Variants in USH2A observed in about 807,000 individuals in gnomAD.
USH2A encodes the protein usherin.
In USH2A, 443 loss-of-function variants were observed where a neutral mutation model predicts 538.9. The ratio of observed to expected loss-of-function variants is 0.82; its 90% CI spans 0.76 to 0.89. USH2A has a LOEUF of 0.89. Among genes scored for constraint, USH2A ranks in the 40% least tolerant of loss-of-function variants. USH2A has a pLI of 0.00. For missense variants in USH2A, 6,633 were observed against 6,324.8 expected, an observed-to-expected ratio of 1.05 and a Z score of -1.65; for synonymous variants, 2,413 against 2,273.5, an observed-to-expected ratio of 1.06 and a Z score of -1.75.
chr1:216,395,688 C>A (rs2039199292), intron 3 of USH2A, among the ~76,000 whole-genome samples: 1 of 152,152 alleles, frequency 6.6e-6, no homozygotes, highest in South Asian at 2.1e-4. Context: ...GGACACTTGG[C>A]AATGTCTGCA....
intron 27 of USH2A, among the ~76,000 whole-genome samples, chr1:216,075,600 C>A (rs1571938852): frequency 6.6e-6 from 1 of 152,062 alleles, no homozygotes; most frequent in African/African-American, 2.4e-5. Context: ...GCTTGGCAGG[C>A]CTGCTAAATT....
rs974598884 is a variant in USH2A, at chr1:216,148,508, A to G, written c.4627+26744T>C. Among the ~76,000 whole-genome samples the G allele has an allele frequency of 3.3e-5, 5 of 152,112 alleles. 1 individual carries two copies. Among genetic ancestry groups the G allele is most frequent in the African/African-American group, 1.2e-4 (5 of 41,506 alleles). On this transcript the variant is annotated intron_variant, in intron 21 of 71. Coordinates refer to ENST00000307340, the MANE Select transcript of USH2A (RefSeq NM_206933.4). ...ACCCCTTACCATCTCATTAAAACCT[A>G]ATCACCCTTACCCCACTCAATGCCA...
At position 215,782,092 on chromosome 1, in the gene USH2A, A is replaced by G; in HGVS notation, c.10690T>C (p.Ser3564Pro). 1 of 1,614,034 alleles carries G rather than the reference A, an allele frequency of 6.2e-7. No homozygotes were observed. Among genetic ancestry groups the G allele is most frequent in the Non-Finnish European group, 8.5e-7 (1 of 1,179,910 alleles). ...KEGIQPFQEY[S>P]YQLKACTVAG... ...ACCGTGCAAGCTTTCAGCTGATATG[A>G]ATATTCCTGAAATGGTTGAATTCCC... The change falls in exon 54 of 72, where the codon TCA becomes CCA. Residue 3564 changes from serine to proline, a missense_variant. Ser to Pro is a moderately conservative substitution (Grantham distance 74). Coordinates refer to ENST00000307340, the MANE Select transcript of USH2A (RefSeq NM_206933.4).
At chr1:215,628,003 A>G (rs903968753) in intron 71 of USH2A, among the ~76,000 whole-genome samples, 2 of 152,198 alleles carry the variant, frequency 1.3e-5, no homozygotes, top group Non-Finnish European at 2.9e-5. Flanking sequence ...CAAAGAGCCA[A>G]TGATTTGTAC....
At chr1:215,787,168 G>T (rs1285786819) in intron 51 of USH2A, among the ~76,000 whole-genome samples, 1 of 152,102 alleles carries the variant, frequency 6.6e-6, no homozygotes, top group East Asian at 1.9e-4. Flanking sequence ...GGAACATGGA[G>T]ACAAAATTTA....
intron 61 of USH2A, among the ~76,000 whole-genome samples, chr1:215,716,210 C>G (rs1042320139): frequency 6.6e-6 from 1 of 152,078 alleles, no homozygotes; most frequent in Admixed American, 6.6e-5. Flanking sequence ...GGCGGGGGGG[C>G]CCGCCAAGTA....
At chr1:216,255,884 C>T (rs1388515794) in intron 11 of USH2A, among the ~76,000 whole-genome samples, 3 of 152,080 alleles carry the variant, frequency 2.0e-5, no homozygotes, top group Non-Finnish European at 4.4e-5. Flanking sequence ...TTAGTTTTTG[C>T]TCTGTGCATT....
chr1:215,667,468 G>A (rs539460367), intron 64 of USH2A, among the ~76,000 whole-genome samples: 9 of 152,222 alleles, frequency 5.9e-5, no homozygotes, highest in African/African-American at 2.2e-4. Context: ...GGAGGCCGAG[G>A]TGGGTGGATC....
chr1:215,742,929 C>T (rs1214028938), intron 59 of USH2A, among the ~76,000 whole-genome samples: 1 of 151,942 alleles, frequency 6.6e-6, no homozygotes, highest in African/African-American at 2.4e-5. Flanking sequence ...TTTCAAAGGG[C>T]CTTATAAAAC....
At chr1:216,048,414 C>T in intron 31 of USH2A, 120 bp downstream of exon 31, 2 of 997,074 alleles carry the variant, frequency 2.0e-6, no homozygotes, top group South Asian at 1.3e-5. Flanking sequence ...CCTGGCAATG[C>T]ACTTTGTCAT....
At chr1:215,884,303 A>T (rs1359867306) in intron 41 of USH2A, among the ~76,000 whole-genome samples, 7 of 152,214 alleles carry the variant, frequency 4.6e-5, no homozygotes, top group Admixed American at 4.6e-4. Context: ...TTCTGATTTG[A>T]ATGATGTTCA....
intron 38 of USH2A, among the ~76,000 whole-genome samples, chr1:215,914,026 C>T (rs1665882553): frequency 2.0e-5 from 3 of 150,814 alleles, no homozygotes; most frequent in Non-Finnish European, 2.9e-5. Flanking sequence ...GTGAACTGTA[C>T]CACAAAACCT....
chr1:215,989,202 C>A (rs139723906), intron 35 of USH2A, among the ~76,000 whole-genome samples: 3 of 152,140 alleles, frequency 2.0e-5, no homozygotes, highest in African/African-American at 7.2e-5. Context: ...CCCTAGTGAA[C>A]AAACATACCT....
chr1:215,696,815 G>A (rs772629520), intron 61 of USH2A, among the ~76,000 whole-genome samples: 1 of 152,180 alleles, frequency 6.6e-6, no homozygotes, highest in Non-Finnish European at 1.5e-5. Flanking sequence ...AGTGAGCTAT[G>A]ATGGAGCCAC....
chr1:215,901,309 T>C, intron 38 of USH2A: 1 of 303,368 alleles, frequency 3.3e-6, no homozygotes, highest in South Asian at 3.1e-5. Context: ...CCCCCCGATA[T>C]CATCCATTGC....
Position 216,215,079 on chromosome 1 carries a change from C to G in USH2A, c.3157+2308G>C, listed in dbSNP as rs545749302. On this transcript the variant is annotated intron_variant, in intron 15 of 71. Transcript: ENST00000307340. ...AGGGAAATTTACTATAAGAAAAGGTCTAACTACTTTATTTTCATTCAATCC... is the reference window on the plus strand; with the variant it reads ...AGGGAAATTTACTATAAGAAAAGGTGTAACTACTTTATTTTCATTCAATCC... Among the ~76,000 whole-genome samples the G allele has an allele frequency of 1.1e-4, 16 of 152,158 alleles. No individual in the cohort carries two copies. The East Asian group carries it at 3.1e-3, about 29-fold the overall frequency.
At chr1:215,659,096 A>C (rs1657358598) in intron 64 of USH2A, among the ~76,000 whole-genome samples, 1 of 152,212 alleles carries the variant, frequency 6.6e-6, no homozygotes, top group Non-Finnish European at 1.5e-5. Context: ...GCAATCAATA[A>C]AAACACAAAT....
chr1:215,888,710 G>A lies in USH2A; in HGVS notation c.7939C>T (p.Pro2647Ser), dbSNP rs1414367127. 1.2e-6 allele frequency: 2 copies of A among 1,614,130 alleles called. No individual in the cohort carries two copies. Among genetic ancestry groups the A allele is most frequent in the Middle Eastern group, 1.6e-4 (1 of 6,062 alleles). Reference protein sequence around the residue: ...PTSVIISWQPPTHPNGLVENF... With the variant: ...PTSVIISWQPSTHPNGLVENF... ...TCCACCAAGCCATTGGGGTGGGTAG[G>A]GGGTTGCCAAGATATAATCACAGAT... is the stretch of plus-strand genomic sequence containing the variant. Residue 2647 changes from proline to serine, a missense_variant, in exon 41 of 72, where the codon CCT becomes TCT. Coordinates refer to ENST00000307340, the MANE Select transcript of USH2A (RefSeq NM_206933.4).
At position 216,200,237 on chromosome 1, in the gene USH2A, TTTGA is replaced by T. The variant is rs2034955034; in HGVS notation, c.3317-120_3317-117del. 6.4e-6 allele frequency: 7 copies of T among 1,089,804 alleles called. No homozygotes were observed. In the South Asian group the frequency reaches 7.8e-5, roughly 12 times the overall value. The allele number at this position is 1,089,804 out of a possible 1,614,324, so 67.5% of individuals were successfully genotyped here. Reference sequence around the variant, plus strand: ...TACATAAACTATACCAATCTACTCTTTTGATTAAGGATACATTTCATATTTTTAA... The same window carrying T: ...TACATAAACTATACCAATCTACTCTTTTAAGGATACATTTCATATTTTTAA... On this transcript the variant is annotated intron_variant, in intron 16 of 71. Transcript: ENST00000307340.
Sources: allele counts gnomAD v4.1 joint callset (sites outside exome capture counted in the v4.1 genomes callset), GRCh38; gene constraint gnomAD v4.1.1; transcripts MANE v1.5; gene names NCBI Gene and HGNC (gene_info 2026-07-23, HGNC 2026-07-21).